RNF212: variants seen among roughly 807,000 people sequenced by gnomAD.
RNF212 encodes the protein probable E3 SUMO-protein ligase RNF212.
RNF212 carries 33 observed loss-of-function variants against 34.7 expected under a neutral mutation model. The observed-to-expected ratio is 0.95, with a 90% confidence interval of 0.72 to 1.27. RNF212 has a LOEUF of 1.27. RNF212 is among the 50% of genes most tolerant of loss of function. RNF212 has a pLI of 0.00. For synonymous variants in RNF212, 140 were observed against 136.1 expected (o/e 1.03, Z -0.20); for missense variants, 377 against 362.2 (o/e 1.04, Z -0.33).
At chr4:1,094,565 C>T (rs889159935) in intron 3 of RNF212, among the ~76,000 whole-genome samples, 4 of 152,084 alleles carry the variant, frequency 2.6e-5, no homozygotes, top group Non-Finnish European at 5.9e-5. Flanking sequence ...ACAGCAGGGG[C>T]TCAGCTGCCA....
At chr4:1,092,428 T>G (rs1473617358) in intron 3 of RNF212, among the ~76,000 whole-genome samples, 1 of 152,062 alleles carries the variant, frequency 6.6e-6, no homozygotes, top group African/African-American at 2.4e-5. Context: ...GTCTGGGTGT[T>G]GCAGGGTCTA....
chr4:1,106,897 T>C (rs969719243), intron 2 of RNF212, among the ~76,000 whole-genome samples: 2 of 152,192 alleles, frequency 1.3e-5, no homozygotes, highest in Non-Finnish European at 2.9e-5. Context: ...TTCTTATAAG[T>C]GTGGAGAGAT....
At chr4:1,095,569 C>A (rs1205757823) in intron 3 of RNF212, among the ~76,000 whole-genome samples, 1 of 93,640 alleles carries the variant, frequency 1.1e-5, no homozygotes, top group Non-Finnish European at 2.0e-5. Context: ...ACCAAGCACA[C>A]CTCCCACAGC....
intron 3 of RNF212, among the ~76,000 whole-genome samples, chr4:1,092,144 C>T (rs1475827708): frequency 6.6e-6 from 1 of 152,262 alleles, no homozygotes; most frequent in Non-Finnish European, 1.5e-5. Flanking sequence ...AGCGCCTCTG[C>T]TTCTCAGCTT....
chr4:1,093,510 G>T, intron 3 of RNF212: 1 of 1,504,704 alleles, frequency 6.6e-7, no homozygotes, highest in Non-Finnish European at 8.8e-7. Flanking sequence ...ACAAACAGTG[G>T]GGCCACGAGG....
chr4:1,087,474 G>A (rs181477324), intron 4 of RNF212, among the ~76,000 whole-genome samples: 26 of 122,742 alleles, frequency 2.1e-4, no homozygotes, highest in African/African-American at 6.7e-4. Context: ...GGGGGTGACA[G>A]GATGGGGTGA....
intron 1 of RNF212, 31 bp downstream of exon 1, chr4:1,113,325 C>A (rs1272219035): frequency 4.0e-6 from 6 of 1,510,380 alleles, no homozygotes; most frequent in Non-Finnish European, 5.3e-6. Flanking sequence ...GCTCCCCTCC[C>A]CTCTCCAGCC....
At chr4:1,066,622 C>T (rs139353780), downstream of RNF212, among the ~76,000 whole-genome samples, 468 of 152,314 alleles carry the variant, frequency 3.1e-3, 3 homozygotes, top group South Asian at 7.1e-3. Flanking sequence ...TGCACCACTG[C>T]GCCCAGGCTT....
At chr4:1,108,844 C>T (rs888588020) in intron 1 of RNF212, among the ~76,000 whole-genome samples, 3 of 152,042 alleles carry the variant, frequency 2.0e-5, no homozygotes, top group Admixed American at 1.3e-4. Flanking sequence ...GGACCACAGA[C>T]GTGTGCCGCC....
chr4:1,056,475 T>C (rs1207025552), exon 5 of RNF212: 4 of 983,878 alleles, frequency 4.1e-6, no homozygotes, highest in Non-Finnish European at 4.8e-6. Context: ...AACACAACTT[T>C]GTCTTTGAAA....
Position 1,058,287 on chromosome 4 carries a change from C to T in RNF212, n.220+34G>A, listed in dbSNP as rs555109624. The stretch of plus-strand genomic sequence containing the variant: ...AAGAAGGTGCTTGCGGGGGTTAGAA[C>T]GCAGTGAAGAAGGTGCTTGCGGGGG... On this transcript the variant is annotated intron_variant and non_coding_transcript_variant, in intron 4 of 4. Transcript: ENST00000503206. 2,609 of 687,312 alleles carry T rather than the reference C, an allele frequency of 3.8e-3. 293 individuals carry two copies. The highest frequency in any genetic ancestry group is 4.2e-3 in the Non-Finnish European group (2,387 of 564,162). 42.6% of individuals were successfully genotyped at this position (687,312 alleles called of 1,614,324 possible).
Position 1,072,159 on chromosome 4 carries a change from T to C in RNF212, c.*715A>G, listed in dbSNP as rs571490324. The C allele has an allele frequency of 6.6e-6, 1 of 152,150 alleles. No individual in the cohort carries two copies. The highest frequency in any genetic ancestry group is 2.4e-5 in the African/African-American group (1 of 41,490). The allele number at this position is 152,150 out of a possible 1,614,324, so 9.4% of individuals were successfully genotyped here. On this transcript the variant is annotated 3_prime_UTR_variant, in exon 10 of 10. Coordinates refer to ENST00000433731, the MANE Select transcript of RNF212 (RefSeq NM_001131034.4). ...TGTATTGCTAAGTGAAAGGAGTCAATCTGAGAAGCCACATACTGTACAATT... is the reference window on the plus strand; with the variant it reads ...TGTATTGCTAAGTGAAAGGAGTCAACCTGAGAAGCCACATACTGTACAATT...
chr4:1,099,017 G>T (rs1723502282), intron 2 of RNF212, among the ~76,000 whole-genome samples: 1 of 152,106 alleles, frequency 6.6e-6, no homozygotes, highest in South Asian at 2.1e-4. Flanking sequence ...GACACCCCAG[G>T]ATGTCCAGAA....
intron 4 of RNF212, 21 bp downstream of exon 4, chr4:1,090,761 C>G: frequency 7.2e-7 from 1 of 1,393,816 alleles, no homozygotes; most frequent in Non-Finnish European, 1.0e-6. Flanking sequence ...ATTCAAGTGG[C>G]AATGAATCAA....
intron 8 of RNF212, 36 bp downstream of exon 8, chr4:1,079,607 G>A: frequency 7.0e-7 from 1 of 1,437,584 alleles, no homozygotes; most frequent in Non-Finnish European, 9.8e-7. Context: ...CACACGTCTG[G>A]TATACAGAGG....
At chr4:1,058,735 C>T (rs1188293883) in intron 3 of RNF212, among the ~76,000 whole-genome samples, 1 of 152,214 alleles carries the variant, frequency 6.6e-6, no homozygotes, top group South Asian at 2.1e-4. Flanking sequence ...ACGAACTGGC[C>T]AGTCCCAGCT....
At chr4:1,061,128 G>A (rs1717723458) in intron 3 of RNF212, among the ~76,000 whole-genome samples, 1 of 152,164 alleles carries the variant, frequency 6.6e-6, no homozygotes, top group Admixed American at 6.5e-5. Context: ...AGCGGGACTT[G>A]GCTTCCCAGC....
intron 8 of RNF212, among the ~76,000 whole-genome samples, chr4:1,074,207 G>A (rs1021223606): frequency 1.3e-5 from 2 of 152,198 alleles, no homozygotes; most frequent in African/African-American, 4.8e-5. Context: ...CAGGTTCTGA[G>A]ACTGGTAAGG....
intron 5 of RNF212, chr4:1,081,969 G>T: frequency 3.2e-6 from 1 of 308,146 alleles, no homozygotes; most frequent in South Asian, 3.2e-5. Flanking sequence ...GCCACTAAGA[G>T]GCCAGCCATG....
Sources: allele counts gnomAD v4.1 joint callset (sites outside exome capture counted in the v4.1 genomes callset), GRCh38; gene constraint gnomAD v4.1.1; transcripts MANE v1.5; gene names NCBI Gene and HGNC (gene_info 2026-07-23, HGNC 2026-07-21).